COMMD9: variants seen among roughly 807,000 people sequenced by gnomAD.
The protein encoded by COMMD9 is COMM domain-containing protein 9.
Under a neutral mutation model 23.4 loss-of-function variants are expected in COMMD9, and 22 were observed. That is an observed-to-expected ratio of 0.94 (90% CI 0.67 to 1.34). The LOEUF (loss-of-function observed/expected upper bound fraction) is 1.34, where lower values mean the gene tolerates loss of function less well. COMMD9 is among the 40% of genes most tolerant of loss of function. COMMD9 has a pLI of 0.00. For synonymous variants in COMMD9, 99 were observed against 97.4 expected (o/e 1.02, Z -0.10); for missense variants, 231 against 240.2 (o/e 0.96, Z 0.25).
chr11:36,280,641 A>C, intron 2 of COMMD9, 71 bp downstream of exon 2: 1 of 1,442,302 alleles, frequency 6.9e-7, no homozygotes, highest in Non-Finnish European at 9.3e-7. Context: ...TGGACATGGC[A>C]ATGACTGGGA....
chr11:36,274,681 T>C lies in COMMD9; in HGVS notation c.548A>G (p.Asp183Gly). 2 of 1,614,262 alleles carry C rather than the reference T, an allele frequency of 1.2e-6. No individual in the cohort carries two copies. Among genetic ancestry groups the C allele is most frequent in the Non-Finnish European group, 1.7e-6 (2 of 1,180,042 alleles). The part of the protein sequence containing the change: ...LSKETLDTML[D>G]GLGRIRDQLS... ...TTGGTCTCGGATGCGGCCCAGGCCA[T>C]CTAACATGGTGTCCAGTGTTTCTTT... is the stretch of plus-strand genomic sequence containing the variant. Residue 183 changes from aspartate (D) to glycine (G), a missense_variant, in exon 6 of 6, where the codon GAT becomes GGT. Physicochemically the swap from Asp to Gly is moderately conservative, Grantham distance 94. Transcript: ENST00000263401.
chr11:36,280,742 G>A lies in COMMD9; in HGVS notation c.147C>T (p.Ser49=). The A allele has an allele frequency of 6.2e-7, 1 of 1,609,444 alleles. No homozygotes were observed. Among genetic ancestry groups the A allele is most frequent in the Non-Finnish European group, 8.5e-7 (1 of 1,177,132 alleles). ...LKKLLDVTCS[S]LSVTQEEAEE... ...CTGCCTCCTCCTGGGTCACAGACAAGCTGGAACATGTAACATCCAAGAGTT... is the reference window on the plus strand; with the variant it reads ...CTGCCTCCTCCTGGGTCACAGACAAACTGGAACATGTAACATCCAAGAGTT... The change falls in exon 2 of 6, where the codon AGC becomes AGT. Residue 49 remains serine (S), a synonymous_variant. Transcript: ENST00000263401.
In COMMD9 at chr11:36,278,635, C is replaced by G. The variant is rs1856015464; in HGVS notation, c.178-19G>C. ...GGAGCAGCTGCAAGATAAACGGAAC[C>G]ACCTGTAGCTGTAACAGAAGCAGCA... On this transcript the variant is annotated intron_variant, in intron 2 of 5. Transcript: ENST00000263401. The G allele has an allele frequency of 1.2e-6, 2 of 1,611,242 alleles. No individual in the cohort carries two copies. Among genetic ancestry groups the G allele is most frequent in the East Asian group, 4.5e-5 (2 of 44,850 alleles).
At chr11:36,287,001 C>T (rs1344207109) in intron 1 of COMMD9, among the ~76,000 whole-genome samples, 1 of 151,552 alleles carries the variant, frequency 6.6e-6, no homozygotes, top group East Asian at 1.9e-4. Flanking sequence ...TATCCTTTAC[C>T]CAATTTCCCC....
chr11:36,286,435 A>G (rs1856159124), intron 1 of COMMD9, among the ~76,000 whole-genome samples: 1 of 94,202 alleles, frequency 1.1e-5, no homozygotes, highest in Admixed American at 1.1e-4. Flanking sequence ...AGAAAGAAAG[A>G]AAAGAAAAAA....
At chr11:36,288,559 T>C (rs1306122395) in intron 1 of COMMD9, among the ~76,000 whole-genome samples, 3 of 152,130 alleles carry the variant, frequency 2.0e-5, no homozygotes, top group Non-Finnish European at 1.5e-5. Context: ...TCCCAACACT[T>C]TGGAAGGCGG....
At chr11:36,276,992 A>G in intron 4 of COMMD9, 97 bp downstream of exon 4, 1 of 1,084,658 alleles carries the variant, frequency 9.2e-7, no homozygotes, top group Non-Finnish European at 1.3e-6. Flanking sequence ...AGAATGGTTC[A>G]CTTTGGTTTC....
At position 36,272,991 on chromosome 11, in the gene COMMD9, A is replaced by G. The variant is rs1855903289; in HGVS notation, c.*1641T>C. ...TAAATGCACCAAGCTTTCTACTCTC[A>G]TCCATTAATAATCAAAGCCTTTCCT... is the stretch of plus-strand genomic sequence containing the variant. On this transcript the variant is annotated 3_prime_UTR_variant, in exon 6 of 6. Coordinates refer to ENST00000263401, the MANE Select transcript of COMMD9 (RefSeq NM_014186.4). 6.6e-6 allele frequency: 1 copy of G among 152,234 alleles called. No individual in the cohort carries two copies. The highest frequency in any genetic ancestry group is 6.5e-5 in the Admixed American group (1 of 15,292). 9.4% of individuals were successfully genotyped at this position (152,234 alleles called of 1,614,324 possible). A position where few individuals can be genotyped will look rare whatever the true frequency, so the allele number is the denominator to read the frequency against.
chr11:36,285,810 G>T (rs1256332114), intron 1 of COMMD9, among the ~76,000 whole-genome samples: 1 of 152,088 alleles, frequency 6.6e-6, no homozygotes, highest in Non-Finnish European at 1.5e-5. Flanking sequence ...AATCAATGCA[G>T]AGAAAGCATT....
rs1856011685 is a variant in COMMD9 at position 36,278,491 on chromosome 11, G to A, written c.303C>T (p.Ile101=). 1 of 1,613,736 alleles carries A rather than the reference G, an allele frequency of 6.2e-7. No individual in the cohort carries two copies. Among genetic ancestry groups the A allele is most frequent in the Non-Finnish European group, 8.5e-7 (1 of 1,179,590 alleles). The change falls in exon 3 of 6, where the codon ATC becomes ATT. Residue 101 remains isoleucine (I), a synonymous_variant. Transcript: ENST00000263401. The stretch of plus-strand genomic sequence containing the variant: ...TGAGCACTTACACATGTTCTAGGAT[G>A]ATCTTTGTCAGCAGGTTTTTGAGGT... The part of the protein sequence containing the change: ...HQNLKNLLTK[I]ILEHVSTWRT...
chr11:36,278,236 C>A, intron 3 of COMMD9: 1 of 409,560 alleles, frequency 2.4e-6, no homozygotes, highest in Non-Finnish European at 4.3e-6. Context: ...AAAACAAAAA[C>A]AAAACATCAA....
At chr11:36,279,412 G>A (rs1341994098) in intron 2 of COMMD9, among the ~76,000 whole-genome samples, 1 of 152,196 alleles carries the variant, frequency 6.6e-6, no homozygotes, top group East Asian at 1.9e-4. Context: ...CTCTCTGGAG[G>A]TAACTGTTTC....
At chr11:36,289,168 G>A (rs1856223972) in intron 1 of COMMD9, among the ~76,000 whole-genome samples, 194 bp downstream of exon 1, 1 of 151,828 alleles carries the variant, frequency 6.6e-6, no homozygotes, top group Non-Finnish European at 1.5e-5. Context: ...TTTATCTTAC[G>A]TTCCTGTCAA....
intron 1 of COMMD9, among the ~76,000 whole-genome samples, chr11:36,283,831 G>A (rs181603532): frequency 9.2e-5 from 14 of 152,240 alleles, no homozygotes; most frequent in East Asian, 1.9e-4. Flanking sequence ...TTGGCCAGGC[G>A]TGGTGGCTCA....
intron 1 of COMMD9, among the ~76,000 whole-genome samples, chr11:36,284,726 C>A (rs566373998): frequency 6.6e-6 from 1 of 152,260 alleles, no homozygotes; most frequent in Admixed American, 6.5e-5. Context: ...AGAAAGGTAA[C>A]AGAAAAATAT....
Position 36,276,235 on chromosome 11 carries a change from G to C in COMMD9, c.358C>G (p.Leu120Val), listed in dbSNP as rs1855970992. The C allele has an allele frequency of 1.2e-6, 2 of 1,612,246 alleles. No homozygotes were observed. Among genetic ancestry groups the C allele is most frequent in the Non-Finnish European group, 1.7e-6 (2 of 1,178,282 alleles). Residue 120 changes from leucine (L) to valine (V), a missense_variant, in exon 5 of 6, where the codon CTG becomes GTG. By Grantham distance (32) the Leu-to-Val change is conservative. Transcript: ENST00000263401. ...RTEAQANQIS[L>V]PRLVDLDWRV... is the part of the protein sequence containing the mutation. ...CAGTCCAGATCGACCAGGCGTGGCA[G>C]AGAGACTGTGGAAGGAACAGCTCAG...
At chr11:36,288,015 G>A (rs941308773) in intron 1 of COMMD9, among the ~76,000 whole-genome samples, 1 of 152,104 alleles carries the variant, frequency 6.6e-6, no homozygotes, top group Admixed American at 6.6e-5. Flanking sequence ...ACAGGTATAG[G>A]GGCGGGGGTA....
At chr11:36,281,534 G>C (rs898713146) in intron 1 of COMMD9, among the ~76,000 whole-genome samples, 1 of 152,200 alleles carries the variant, frequency 6.6e-6, no homozygotes, top group East Asian at 1.9e-4. Context: ...ACCACGTGGA[G>C]TCAGAGATTC....
At chr11:36,276,664 C>T (rs1440036455) in intron 4 of COMMD9, 1 of 201,378 alleles carries the variant, frequency 5.0e-6, no homozygotes, top group Non-Finnish European at 1.0e-5. Context: ...CTTCTGTTTG[C>T]TCATCAGCCT....
Sources: allele counts gnomAD v4.1 joint callset (sites outside exome capture counted in the v4.1 genomes callset), GRCh38; gene constraint gnomAD v4.1.1; transcripts MANE v1.5; gene names NCBI Gene and HGNC (gene_info 2026-07-23, HGNC 2026-07-21).